SCUBE2: variants seen among roughly 807,000 people sequenced by gnomAD.
SCUBE2 encodes signal peptide, CUB domain and EGF like domain containing 2.
In SCUBE2, 114 loss-of-function variants were observed where a neutral mutation model predicts 125.9. The observed-to-expected ratio is 0.91, with a 90% CI of 0.78 to 1.06. SCUBE2 has a LOEUF of 1.06. Ranked by LOEUF, SCUBE2 falls within the 50% of genes least tolerant of loss-of-function variation. SCUBE2 has a pLI of 0.00. For missense variants in SCUBE2, 1,255 were observed against 1,301.8 expected, an observed-to-expected ratio of 0.96 and a Z score of 0.55; for synonymous variants, 459 against 492.9, an observed-to-expected ratio of 0.93 and a Z score of 0.91.
intron 9 of SCUBE2, among the ~76,000 whole-genome samples, chr11:9,058,873 C>T (rs1194636773): frequency 6.6e-6 from 1 of 152,130 alleles, no homozygotes. Flanking sequence ...CATGGGTTAA[C>T]TCCAAGTTTT....
intron 7 of SCUBE2, among the ~76,000 whole-genome samples, chr11:9,065,337 C>G (rs1860105599): frequency 6.6e-6 from 1 of 152,042 alleles, no homozygotes; most frequent in Admixed American, 6.5e-5. Context: ...ATCATGAGAT[C>G]TCATGGTTTT....
rs1426564525 is a variant in SCUBE2, at chr11:9,091,460, C to T, written c.69G>A (p.Pro23=). 32 of 1,280,704 alleles carry T rather than the reference C, an allele frequency of 2.5e-5. No individual in the cohort carries two copies. The highest frequency in any genetic ancestry group is 3.7e-5 in the Admixed American group (1 of 27,078). 79.3% of individuals were successfully genotyped at this position (1,280,704 alleles called of 1,614,324 possible). The stretch of plus-strand genomic sequence containing the variant: ...CGGCCCCCGCCAGCAGCAGCAGTGG[C>T]GGCAGCAGCAGCAGCAGCAGCAGCA... The part of the protein sequence containing the change: ...WAVLLLLLLL[P]PLLLLAGAVP... The change falls in exon 1 of 23, where the codon CCG becomes CCA. Residue 23 remains proline (P), a synonymous_variant. Coordinates refer to ENST00000649792, the MANE Select transcript of SCUBE2 (RefSeq NM_001367977.2). This position sits in a 1 kb window ranked among gnomAD's most constrained non-coding sequence, Gnocchi z 8.5.
At chr11:9,069,229 G>T in intron 5 of SCUBE2, 141 bp downstream of exon 5, 1 of 979,508 alleles carries the variant, frequency 1.0e-6, no homozygotes, top group Non-Finnish European at 1.5e-6. Context: ...ACAAGTACTT[G>T]GTAGAGGTCG....
In SCUBE2 at chr11:9,047,476, C is replaced by A; in HGVS notation, c.1882G>T (p.Glu628Ter). Residue 628 changes from glutamate (E) to a stop codon, truncating the protein, a stop_gained, in exon 16 of 23, where the codon GAG (glutamate) becomes TAG (stop). Transcript: ENST00000649792. LOFTEE classifies it high-confidence loss of function. Reference protein sequence around the residue: ...IRTLRKAVHREQFHLQLSGMN... With the variant: ...IRTLRKAVHR ...CCTGAGAGCTGGAGGTGAAACTGCTCCCTGTGGACGGCCTTTCTGAGCGTG... is the reference window on the plus strand; with the variant it reads ...CCTGAGAGCTGGAGGTGAAACTGCTACCTGTGGACGGCCTTTCTGAGCGTG... The A allele has an allele frequency of 6.2e-7, 1 of 1,613,996 alleles. No individual in the cohort carries two copies.
intron 4 of SCUBE2, among the ~76,000 whole-genome samples, chr11:9,071,793 G>A (rs1452662894): frequency 2.0e-5 from 3 of 152,150 alleles, no homozygotes; most frequent in African/African-American, 4.8e-5. Flanking sequence ...CCTCCACTTT[G>A]CCACCCTGAC....
chr11:9,021,175 A>C lies in SCUBE2; in HGVS notation c.2957T>G (p.Leu986Arg). 6.3e-7 allele frequency: 1 copy of C among 1,591,796 alleles called. No homozygotes were observed. Among genetic ancestry groups the C allele is most frequent in the Non-Finnish European group, 8.5e-7 (1 of 1,170,618 alleles). Residue 986 changes from leucine to arginine, a missense_variant, in exon 23 of 23, where the codon CTG becomes CGG. By Grantham distance (102) the Leu-to-Arg change is moderately radical. Transcript: ENST00000649792. ...CTGGGGATGGGCCAGGACATCAAAC[A>C]GAGCCTTGATAAGTTTCTTATCCTA... ...ILKDKKLIKA[L>R]FDVLAHPQNY...
chr11:9,066,124 G>A, intron 6 of SCUBE2, 144 bp from the exon 7 acceptor site: 2 of 629,222 alleles, frequency 3.2e-6, no homozygotes, highest in Non-Finnish European at 5.6e-6. Flanking sequence ...GTGTTGTAAT[G>A]AGGCTCTGTG....
At chr11:9,058,103 T>C (rs1043059901) in intron 9 of SCUBE2, among the ~76,000 whole-genome samples, 12 of 152,180 alleles carry the variant, frequency 7.9e-5, no homozygotes, top group African/African-American at 2.9e-4. Context: ...AAGCATCTCC[T>C]CCCCACAAGC....
At position 9,074,398 on chromosome 11, in the gene SCUBE2, T is replaced by G. The variant is rs1209420501; in HGVS notation, c.517+83A>C. 1.0e-5 allele frequency: 16 copies of G among 1,537,716 alleles called. No homozygotes were observed. In the East Asian group the frequency reaches 3.6e-4, roughly 35 times the overall value. On this transcript the variant is annotated intron_variant, in intron 4 of 22. Coordinates refer to ENST00000649792, the MANE Select transcript of SCUBE2 (RefSeq NM_001367977.2). ...GACTTTCTATACCCTGTGCTTCCCC[T>G]CTAGAGTCAGTGTGTGTGTGCGCGT...
chr11:9,063,183 T>G (rs1590105020), intron 7 of SCUBE2, among the ~76,000 whole-genome samples: 1 of 151,668 alleles, frequency 6.6e-6, no homozygotes, highest in Non-Finnish European at 1.5e-5. Flanking sequence ...GAGGTGGAGG[T>G]TGTAGTGAAC....
In SCUBE2 at chr11:9,029,801, T is replaced by A. The variant is rs1856131668; in HGVS notation, c.2503+83A>T. 4.1e-6 allele frequency: 6 copies of A among 1,478,430 alleles called. No individual in the cohort carries two copies. In the Admixed American group the frequency reaches 5.1e-5, roughly 13 times the overall value. 91.6% of individuals were successfully genotyped at this position (1,478,430 alleles called of 1,614,324 possible). ...TGGTTCTGAGTGAACCTGGGACCTCTGCCCCGTGCCCCCTGCTCTGAGGTG... is the reference window on the plus strand; with the variant it reads ...TGGTTCTGAGTGAACCTGGGACCTCAGCCCCGTGCCCCCTGCTCTGAGGTG... On this transcript the variant is annotated intron_variant, in intron 19 of 22. Transcript: ENST00000649792.
chr11:9,082,883 A>G (rs1420690089), intron 2 of SCUBE2, among the ~76,000 whole-genome samples: 1 of 152,226 alleles, frequency 6.6e-6, no homozygotes, highest in Non-Finnish European at 1.5e-5. Context: ...AAATGTTTGT[A>G]TTGTGATGGT....
chr11:9,088,674 A>G (rs1862332467), intron 2 of SCUBE2, among the ~76,000 whole-genome samples: 1 of 152,230 alleles, frequency 6.6e-6, no homozygotes, highest in African/African-American at 2.4e-5. Context: ...TCGAAGAGGA[A>G]GGGGCCACCA....
chr11:9,080,523 C>T (rs571021463), intron 2 of SCUBE2, among the ~76,000 whole-genome samples: 17 of 151,866 alleles, frequency 1.1e-4, no homozygotes, highest in South Asian at 6.3e-4. Flanking sequence ...TGGTGGTGCA[C>T]GCCTATAGTC....
At chr11:9,038,985 A>G (rs988539577) in intron 16 of SCUBE2, among the ~76,000 whole-genome samples, 6 of 152,050 alleles carry the variant, frequency 3.9e-5, no homozygotes, top group African/African-American at 7.2e-5. Flanking sequence ...TCCTGGGCTC[A>G]AGTGATCCTC....
At chr11:9,074,753 G>A (rs1365703329) in intron 3 of SCUBE2, 138 bp from the exon 4 acceptor site, 4 of 1,036,444 alleles carry the variant, frequency 3.9e-6, no homozygotes, top group Non-Finnish European at 5.7e-6. Flanking sequence ...CAGAATCAAA[G>A]CCGGTAAGGT....
intron 7 of SCUBE2, among the ~76,000 whole-genome samples, chr11:9,062,822 G>GA (rs1188943860): frequency 7.3e-6 from 1 of 137,926 alleles, no homozygotes; most frequent in African/African-American, 2.7e-5. Context: ...GGAGAGAAAA[G>GA]AAAAAGAATA....
At chr11:9,027,028 C>A in intron 20 of SCUBE2, 1 of 315,596 alleles carries the variant, frequency 3.2e-6, no homozygotes, top group Middle Eastern at 1.0e-3. Flanking sequence ...GTCTCCAAGC[C>A]ATCAGTTGCA....
intron 13 of SCUBE2, 61 bp from the exon 14 acceptor site, chr11:9,050,771 T>C (rs1858275548): frequency 7.6e-7 from 1 of 1,312,782 alleles, no homozygotes; most frequent in Non-Finnish European, 1.1e-6. Context: ...AGACACCAGA[T>C]GGGAAGCAGC....
Sources: gnomAD v4.1 joint callset for allele counts (sites outside exome capture counted in the v4.1 genomes callset) on GRCh38, gnomAD v4.1.1 for gene constraint, Gnocchi (gnomAD v3.1) non-coding constraint, MANE v1.5 for transcripts, NCBI Gene and HGNC (gene_info 2026-07-23, HGNC 2026-07-21) for gene names.